Variants in GLIPR1L1 observed in about 807,000 individuals in gnomAD.
GLIPR1L1 encodes GLIPR1-like protein 1.
A neutral mutation model predicts 29.9 loss-of-function variants in GLIPR1L1; 26 were observed. The observed-to-expected ratio is 0.87, with a 90% CI of 0.64 to 1.21. GLIPR1L1 has a LOEUF of 1.21. Among genes scored for constraint, GLIPR1L1 ranks in the 50% most tolerant of loss-of-function variants. The probability of loss-of-function intolerance (pLI) is 0.00; values close to 1 mark genes in which losing one functional copy is unlikely to be tolerated. For synonymous variants in GLIPR1L1, 77 were observed against 97.5 expected (o/e 0.79, Z 1.24); for missense variants, 305 against 290.3 (o/e 1.05, Z -0.37).
chr12:75,365,603 T>A (rs1254286347), intron 4 of GLIPR1L1, among the ~76,000 whole-genome samples: 1 of 152,164 alleles, frequency 6.6e-6, no homozygotes, highest in African/African-American at 2.4e-5. Context: ...AGAGAGTTAA[T>A]GAATATACAT....
intron 1 of GLIPR1L1, among the ~76,000 whole-genome samples, chr12:75,335,169 A>G (rs1220953576): frequency 6.6e-6 from 1 of 152,160 alleles, no homozygotes; most frequent in East Asian, 1.9e-4. Context: ...TTGCACCACT[A>G]AAGTTATAAG....
chr12:75,363,939 G>A (rs1010206506), intron 4 of GLIPR1L1, among the ~76,000 whole-genome samples: 1 of 152,176 alleles, frequency 6.6e-6, no homozygotes, highest in Non-Finnish European at 1.5e-5. Context: ...AAAAGTCAAA[G>A]GCAGATTCAA....
chr12:75,359,027 C>A (rs960007452), intron 3 of GLIPR1L1, among the ~76,000 whole-genome samples: 2 of 149,932 alleles, frequency 1.3e-5, no homozygotes, highest in Admixed American at 1.3e-4. Context: ...GGCCTCTGGG[C>A]CACACTGTGC....
intron 1 of GLIPR1L1, among the ~76,000 whole-genome samples, chr12:75,342,517 T>C (rs1014311331): frequency 1.3e-5 from 2 of 152,182 alleles, no homozygotes; most frequent in African/African-American, 4.8e-5. Context: ...TTGTGATGAG[T>C]TGTTTCTGGA....
At chr12:75,362,190 C>T (rs1371451643) in intron 3 of GLIPR1L1, among the ~76,000 whole-genome samples, 2 of 152,030 alleles carry the variant, frequency 1.3e-5, no homozygotes, top group Admixed American at 1.3e-4. Context: ...ATAAAGAAAA[C>T]TTAAAACTCA....
rs2044272545 is a variant in GLIPR1L1, at chr12:75,370,233, C to A, written c.*57C>A. 1 of 848,938 alleles carries A rather than the reference C, an allele frequency of 1.2e-6. No individual in the cohort carries two copies. Among genetic ancestry groups the A allele is most frequent in the Non-Finnish European group, 2.0e-6 (1 of 512,306 alleles). 52.6% of individuals were successfully genotyped at this position (848,938 alleles called of 1,614,324 possible). A position where few individuals can be genotyped will look rare whatever the true frequency, so the allele number is the denominator to read the frequency against. On this transcript the variant is annotated 3_prime_UTR_variant, in exon 6 of 6. Transcript: ENST00000378695. The stretch of plus-strand genomic sequence containing the variant: ...GTTAAAATAAAGGAATAGTTTATTG[C>A]TTAATATAACTTATCATCACTTTGC...
chr12:75,361,527 GAAGCAACAGCCC>G (rs2043591241), intron 3 of GLIPR1L1, among the ~76,000 whole-genome samples: 1 of 152,146 alleles, frequency 6.6e-6, no homozygotes, highest in Admixed American at 6.5e-5. Context: ...TGCACCCTCT[GAAGCAACAGCCC>G]AAGCTGTACC....
At chr12:75,364,619 G>T (rs2043842209) in intron 4 of GLIPR1L1, among the ~76,000 whole-genome samples, 1 of 152,206 alleles carries the variant, frequency 6.6e-6, no homozygotes, top group Non-Finnish European at 1.5e-5. Flanking sequence ...CAAAGGTGAA[G>T]ATACAAAATT....
intron 3 of GLIPR1L1, 148 bp from the exon 4 acceptor site, chr12:75,362,954 A>T (rs2043708579): frequency 6.0e-6 from 3 of 500,904 alleles, no homozygotes; most frequent in Middle Eastern, 5.4e-4. Flanking sequence ...ATTTTAACAA[A>T]AGAAATGAAA....
In GLIPR1L1 at chr12:75,334,877, C is replaced by G; in HGVS notation, c.149C>G (p.Pro50Arg). Residue 50 changes from proline (P) to arginine (R), a missense_variant, in exon 1 of 6, where the codon CCT (proline) becomes CGT (arginine). Pro to Arg is a moderately radical substitution (Grantham distance 103). Coordinates refer to ENST00000378695, the MANE Select transcript of GLIPR1L1 (RefSeq NM_001304964.2). ...AACGAATGGCGTGGCAAAGTCAACC[C>G]TCCCGCGGCCGACATGAAATACATG... ...AHNEWRGKVN[P>R]PAADMKYMIW... The G allele has an allele frequency of 6.2e-7, 1 of 1,614,076 alleles. No individual in the cohort carries two copies. Among genetic ancestry groups the G allele is most frequent in the Non-Finnish European group, 8.5e-7 (1 of 1,179,962 alleles).
Position 75,370,185 on chromosome 12 carries a change from A to G in GLIPR1L1, c.*9A>G, listed in dbSNP as rs1490023498. 5.3e-6 allele frequency: 7 copies of G among 1,308,824 alleles called. No homozygotes were observed. The highest frequency in any genetic ancestry group is 6.6e-6 in the Non-Finnish European group (6 of 906,710). 81.1% of individuals were successfully genotyped at this position (1,308,824 alleles called of 1,614,324 possible). On this transcript the variant is annotated 3_prime_UTR_variant, in exon 6 of 6. Coordinates refer to ENST00000378695, the MANE Select transcript of GLIPR1L1 (RefSeq NM_001304964.2). Reference sequence around the variant, plus strand: ...TTCTGAGAATCTTTTAATGTCATTTATATACAAAAGAAATTCTCAAATGTT... The same window carrying G: ...TTCTGAGAATCTTTTAATGTCATTTGTATACAAAAGAAATTCTCAAATGTT...
At chr12:75,347,560 A>G in intron 2 of GLIPR1L1, 62 bp from the exon 3 acceptor site, 1 of 1,002,938 alleles carries the variant, frequency 1.0e-6, no homozygotes, top group Non-Finnish European at 1.6e-6. Flanking sequence ...CCAATTCTCT[A>G]AATGCATTGT....
intron 1 of GLIPR1L1, among the ~76,000 whole-genome samples, chr12:75,340,040 T>C (rs909626396): frequency 2.0e-5 from 3 of 152,086 alleles, no homozygotes; most frequent in Admixed American, 6.6e-5. Context: ...ATTAGAATAA[T>C]GGTCTCCAAC....
intron 4 of GLIPR1L1, among the ~76,000 whole-genome samples, chr12:75,363,970 GGTTGA>G (rs1484627957): frequency 6.6e-6 from 1 of 152,150 alleles, no homozygotes; most frequent in Non-Finnish European, 1.5e-5. Context: ...ATTGGCAATT[GGTTGA>G]GTTAAGTAAT....
chr12:75,357,549 G>A (rs2043232938), intron 3 of GLIPR1L1, among the ~76,000 whole-genome samples: 1 of 151,876 alleles, frequency 6.6e-6, no homozygotes, highest in Admixed American at 6.6e-5. Flanking sequence ...CAAAACAGAG[G>A]AATATATATT....
intron 2 of GLIPR1L1, among the ~76,000 whole-genome samples, chr12:75,346,321 T>C (rs2042442313): frequency 6.6e-6 from 1 of 152,224 alleles, no homozygotes; most frequent in Non-Finnish European, 1.5e-5. Flanking sequence ...TCTCATTTCA[T>C]TAAGTGGGAA....
chr12:75,369,551 CGAGAAATATTTG>C, intron 4 of GLIPR1L1: 1 of 982,252 alleles, frequency 1.0e-6, no homozygotes, highest in African/African-American at 1.8e-5. Context: ...GAAAAGACAT[CGAGAAATATTTG>C]GAGTAAGGAC....
intron 1 of GLIPR1L1, among the ~76,000 whole-genome samples, chr12:75,340,073 C>A (rs1402843202): frequency 2.6e-5 from 4 of 151,630 alleles, no homozygotes. Context: ...GCTGCAAATG[C>A]CATTATTTTG....
rs118032214 is a variant in GLIPR1L1, at chr12:75,335,000, G to T, written c.174+98G>T. Reference sequence around the variant, plus strand: ...ACTTAACTTGTACTAATTCAATCCGGACTTTACATATATGCAGTTAAAAAG... The same window carrying T: ...ACTTAACTTGTACTAATTCAATCCGTACTTTACATATATGCAGTTAAAAAG... On this transcript the variant is annotated intron_variant, in intron 1 of 5. Coordinates refer to ENST00000378695, the MANE Select transcript of GLIPR1L1 (RefSeq NM_001304964.2). The T allele has an allele frequency of 4.6e-4, 557 of 1,198,954 alleles. 6 individuals are homozygous for T. In the East Asian group the frequency reaches 0.011, roughly 23 times the overall value. 74.3% of individuals were successfully genotyped at this position (1,198,954 alleles called of 1,614,324 possible).
Sources: allele counts gnomAD v4.1 joint callset (sites outside exome capture counted in the v4.1 genomes callset), GRCh38; gene constraint gnomAD v4.1.1; transcripts MANE v1.5; gene names NCBI Gene and HGNC (gene_info 2026-07-23, HGNC 2026-07-21).